The following SMCO4 variants were observed in gnomAD, a reference collection of about 807,000 sequenced individuals.
The protein encoded by SMCO4 is single-pass membrane and coiled-coil domain-containing protein 4.
Under a neutral mutation model 3.6 loss-of-function variants are expected in SMCO4, and 4 were observed. The ratio of observed to expected loss-of-function variants is 1.11; its 90% CI spans 0.54 to 2.53. The LOEUF is 2.53. Ranked by LOEUF, SMCO4 falls within the 30% of genes most tolerant of loss-of-function variation. The pLI, the probability that SMCO4 is intolerant of heterozygous loss-of-function variation, is 0.02. For missense variants in SMCO4, 70 were observed against 80.8 expected, an observed-to-expected ratio of 0.87 and a Z score of 0.51; for synonymous variants, 36 against 35.3, an observed-to-expected ratio of 1.02 and a Z score of -0.07.
Position 93,499,299 on chromosome 11 carries a change from T to C in SMCO4, c.-104A>G, listed in dbSNP as rs1406188920. ...ACCTTTTCTTCAACTTCAAGAATCG[T>C]TGATTAATTTCAGCAAACTGATTTC... On this transcript the variant is annotated 5_prime_UTR_variant, in exon 2 of 3. Transcript: ENST00000298966. 1 of 152,202 alleles carries C rather than the reference T, an allele frequency of 6.6e-6. No individual in the cohort carries two copies. Among genetic ancestry groups the C allele is most frequent in the Non-Finnish European group, 1.5e-5 (1 of 68,038 alleles). 9.4% of individuals were successfully genotyped at this position (152,202 alleles called of 1,614,324 possible). A position where few individuals can be genotyped will look rare whatever the true frequency, so the allele number is the denominator to read the frequency against.
At chr11:93,552,228 C>G in the SMCO4 span, among the ~76,000 whole-genome samples, 10 of 144,388 alleles carry the variant, frequency 6.9e-5, no homozygotes, top group Non-Finnish European at 1.2e-4. Context: ...ACAATCTCGG[C>G]TCACTGCAAT....
intron 2 of SMCO4, among the ~76,000 whole-genome samples, chr11:93,487,590 A>C (rs1426737248): frequency 1.3e-5 from 2 of 152,252 alleles, no homozygotes; most frequent in East Asian, 3.8e-4. Context: ...GAAACACAAA[A>C]GAATCTTTGA....
chr11:93,485,417 G>A (rs779527470), intron 2 of SMCO4, among the ~76,000 whole-genome samples: 18 of 152,196 alleles, frequency 1.2e-4, no homozygotes, highest in Admixed American at 2.6e-4. Context: ...GCTGGAATGC[G>A]CTTTTCCCTC....
At chr11:93,550,515 A>T in the SMCO4 span, among the ~76,000 whole-genome samples, 1 of 152,096 alleles carries the variant, frequency 6.6e-6, no homozygotes. Context: ...TTAAAAAATT[A>T]AAAAATAAAA....
At chr11:93,499,580 T>A (rs1250832462) in intron 1 of SMCO4, among the ~76,000 whole-genome samples, 1 of 152,142 alleles carries the variant, frequency 6.6e-6, no homozygotes, top group East Asian at 1.9e-4. Context: ...AGCCCCTGCA[T>A]GGAGTTAGAG....
intron 1 of SMCO4, among the ~76,000 whole-genome samples, chr11:93,510,547 G>A (rs1948947557): frequency 6.6e-6 from 1 of 152,188 alleles, no homozygotes; most frequent in Non-Finnish European, 1.5e-5. Flanking sequence ...GTCGAAAGCA[G>A]CCCAGATGTA....
At chr11:93,538,742 C>T (rs1949248826) in intron 1 of SMCO4, among the ~76,000 whole-genome samples, 1 of 152,192 alleles carries the variant, frequency 6.6e-6, no homozygotes, top group Non-Finnish European at 1.5e-5. Context: ...TATCCAAAGG[C>T]ACTAAGCTCT....
chr11:93,487,254 G>A (rs530295573), intron 2 of SMCO4, among the ~76,000 whole-genome samples: 1 of 152,336 alleles, frequency 6.6e-6, no homozygotes, highest in East Asian at 1.9e-4. Context: ...CAGACAGGCT[G>A]ACAGGAGAAT....
At chr11:93,506,521 C>G (rs1948904135) in intron 1 of SMCO4, among the ~76,000 whole-genome samples, 1 of 151,964 alleles carries the variant, frequency 6.6e-6, no homozygotes, top group Admixed American at 6.5e-5. Flanking sequence ...TCACTGCAAC[C>G]TCCACCTCCC....
At chr11:93,515,633 C>T (rs993778661) in intron 1 of SMCO4, among the ~76,000 whole-genome samples, 1 of 152,302 alleles carries the variant, frequency 6.6e-6, no homozygotes, top group South Asian at 2.1e-4. Flanking sequence ...TCTCTGCCTA[C>T]AAGTTCCTCC....
intron 2 of SMCO4, among the ~76,000 whole-genome samples, chr11:93,482,373 C>T (rs1030366471): frequency 3.9e-5 from 6 of 152,164 alleles, no homozygotes; most frequent in Non-Finnish European, 8.8e-5. Context: ...TGTGAGGATG[C>T]TTCTTAGACA....
At chr11:93,503,329 T>C (rs1948863586) in intron 1 of SMCO4, among the ~76,000 whole-genome samples, 2 of 152,200 alleles carry the variant, frequency 1.3e-5, no homozygotes, top group Non-Finnish European at 1.5e-5. Flanking sequence ...CTATCAGATC[T>C]TGTGAGACTT....
At chr11:93,535,832 T>C (rs1482435326) in intron 1 of SMCO4, 6 of 1,598,406 alleles carry the variant, frequency 3.8e-6, no homozygotes, top group Non-Finnish European at 5.1e-6. Flanking sequence ...AGGACATACA[T>C]TTCCTGCTTT....
At chr11:93,553,703 A>C in the SMCO4 span, among the ~76,000 whole-genome samples, 1 of 152,230 alleles carries the variant, frequency 6.6e-6, no homozygotes, top group African/African-American at 2.4e-5. Context: ...TTAAAGCTGC[A>C]TCTTAACATA....
At chr11:93,528,478 A>C (rs1316733038) in intron 1 of SMCO4, among the ~76,000 whole-genome samples, 2 of 152,210 alleles carry the variant, frequency 1.3e-5, no homozygotes, top group Non-Finnish European at 2.9e-5. Flanking sequence ...AGAAAGCAAG[A>C]ACTCTGGGGG....
At chr11:93,511,818 T>C (rs1379057954) in intron 1 of SMCO4, among the ~76,000 whole-genome samples, 1 of 152,204 alleles carries the variant, frequency 6.6e-6, no homozygotes, top group Non-Finnish European at 1.5e-5. Flanking sequence ...ATTAACAATG[T>C]GGTCTGAAAG....
chr11:93,503,256 T>C (rs1273174356), intron 1 of SMCO4, among the ~76,000 whole-genome samples: 2 of 152,220 alleles, frequency 1.3e-5, no homozygotes, highest in African/African-American at 2.4e-5. Context: ...GCAAAAGGCA[T>C]GTCTTACACG....
intron 1 of SMCO4, among the ~76,000 whole-genome samples, chr11:93,514,925 C>G (rs189878380): frequency 9.2e-5 from 14 of 152,256 alleles, no homozygotes; most frequent in Admixed American, 7.2e-4. Context: ...CTCAAAGAGA[C>G]AACATAGTTA....
the SMCO4 span, among the ~76,000 whole-genome samples, chr11:93,551,952 A>G: frequency 6.6e-6 from 1 of 152,256 alleles, no homozygotes. Context: ...TTAAGGACAC[A>G]ATTCCTAGGT....
Sources: allele counts gnomAD v4.1 joint callset (sites outside exome capture counted in the v4.1 genomes callset), GRCh38; gene constraint gnomAD v4.1.1; transcripts MANE v1.5; gene names NCBI Gene and HGNC (gene_info 2026-07-23, HGNC 2026-07-21).